Variants in IL1RAPL1 observed in about 807,000 individuals in gnomAD.
IL1RAPL1 encodes the protein interleukin-1 receptor accessory protein-like 1.
IL1RAPL1 carries 3 observed loss-of-function variants against 48.4 expected under a neutral mutation model. That is an observed-to-expected ratio of 0.06 (90% CI 0.03 to 0.16). The LOEUF is 0.16. Ranked by LOEUF, IL1RAPL1 falls within the 10% of genes least tolerant of loss-of-function variation. The pLI is 1.00. For synonymous variants in IL1RAPL1, 185 were observed against 187.7 expected, an observed-to-expected ratio of 0.99 and a Z score of 0.12; for missense variants, 349 against 530.6, an observed-to-expected ratio of 0.66 and a Z score of 3.36.
At chrX:29,423,407 C>T (rs970388998) in intron 5 of IL1RAPL1, among the ~76,000 whole-genome samples, 4 of 112,169 alleles carry the variant, frequency 3.6e-5, no homozygotes, top group Non-Finnish European at 7.5e-5. Context: ...ATGGACATGT[C>T]CTCAACCTTG....
intron 2 of IL1RAPL1, among the ~76,000 whole-genome samples, chrX:28,905,218 G>T (rs1038144737): frequency 4.5e-5 from 5 of 110,529 alleles, no homozygotes; most frequent in African/African-American, 1.6e-4. Context: ...TTATAGTATT[G>T]TATATACTTA....
chrX:29,760,020 AC>A (rs953053324), intron 6 of IL1RAPL1, among the ~76,000 whole-genome samples: 10 of 111,873 alleles, frequency 8.9e-5, no homozygotes, highest in Admixed American at 5.7e-4. Context: ...GGTTGTCTTC[AC>A]CCTTAGTACA....
intron 5 of IL1RAPL1, among the ~76,000 whole-genome samples, chrX:29,524,824 G>T (rs1219574246): frequency 1.8e-5 from 2 of 112,089 alleles, no homozygotes; most frequent in African/African-American, 6.5e-5. Context: ...TTTCAAAGTG[G>T]CCATTAAAGA....
At chrX:28,758,717 T>G (rs530314261) in intron 1 of IL1RAPL1, among the ~76,000 whole-genome samples, 1 of 111,907 alleles carries the variant, frequency 8.9e-6, no homozygotes, top group East Asian at 2.8e-4. Flanking sequence ...AAACCTATTC[T>G]TTTTTTCTGG....
intron 3 of IL1RAPL1, among the ~76,000 whole-genome samples, chrX:29,327,952 A>G (rs1366215542): frequency 8.9e-6 from 1 of 112,179 alleles, no homozygotes. Flanking sequence ...GCTGTAGGCT[A>G]GGTTTGACCT....
At chrX:29,212,213 A>T (rs1930782235) in intron 2 of IL1RAPL1, among the ~76,000 whole-genome samples, 1 of 111,378 alleles carries the variant, frequency 9.0e-6, no homozygotes. Context: ...CAGCTTTAAC[A>T]CTAAAATACA....
intron 1 of IL1RAPL1, among the ~76,000 whole-genome samples, chrX:28,656,899 G>A (rs1050175247): frequency 9.2e-6 from 1 of 108,672 alleles, no homozygotes; most frequent in Non-Finnish European, 1.9e-5. Context: ...GGTGGCGGGC[G>A]CCTGTAGTCC....
At chrX:28,864,166 A>G (rs1460228681) in intron 2 of IL1RAPL1, among the ~76,000 whole-genome samples, 1 of 112,346 alleles carries the variant, frequency 8.9e-6, no homozygotes, top group Non-Finnish European at 1.9e-5. Context: ...AGACAGAAAA[A>G]TGTGGCTTTA....
intron 1 of IL1RAPL1, among the ~76,000 whole-genome samples, chrX:28,747,830 A>G (rs1935997074): frequency 9.0e-6 from 1 of 110,692 alleles, no homozygotes; most frequent in African/African-American, 3.3e-5. Context: ...TCAAGTGAGG[A>G]CTCTTGTGTT....
intron 1 of IL1RAPL1, among the ~76,000 whole-genome samples, chrX:28,680,291 G>A (rs1331721196): frequency 1.8e-5 from 2 of 111,048 alleles, no homozygotes; most frequent in African/African-American, 6.5e-5. Flanking sequence ...AAATGACAGT[G>A]ATTTTTGTAT....
intron 6 of IL1RAPL1, among the ~76,000 whole-genome samples, chrX:29,844,112 A>G (rs755203926): frequency 8.9e-6 from 1 of 111,878 alleles, no homozygotes; most frequent in South Asian, 3.7e-4. Context: ...ATGGTATTCA[A>G]TCAGATTTTG....
intron 5 of IL1RAPL1, among the ~76,000 whole-genome samples, chrX:29,643,516 G>A (rs1925228736): frequency 8.9e-6 from 1 of 111,843 alleles, no homozygotes; most frequent in Non-Finnish European, 1.9e-5. Context: ...ACAACCTAAC[G>A]TCGATTTACA....
At chrX:28,770,801 C>T (rs1023088155) in intron 1 of IL1RAPL1, among the ~76,000 whole-genome samples, 3 of 112,091 alleles carry the variant, frequency 2.7e-5, no homozygotes, top group Non-Finnish European at 3.8e-5. Flanking sequence ...TATTTGACCT[C>T]AATTTCTCCA....
chrX:29,258,740 A>G (rs1405919964), intron 2 of IL1RAPL1, among the ~76,000 whole-genome samples: 1 of 111,257 alleles, frequency 9.0e-6, no homozygotes, highest in African/African-American at 3.3e-5. Context: ...CACACACATG[A>G]GCACAATTCC....
At chrX:28,692,090 C>T (rs1420588168) in intron 1 of IL1RAPL1, among the ~76,000 whole-genome samples, 2 of 110,374 alleles carry the variant, frequency 1.8e-5, no homozygotes, top group Non-Finnish European at 3.8e-5. Context: ...GAGCGAGGCT[C>T]TTTTTAAAAA....
intron 1 of IL1RAPL1, among the ~76,000 whole-genome samples, chrX:28,754,906 C>T (rs975079949): frequency 8.9e-6 from 1 of 112,344 alleles, no homozygotes; most frequent in East Asian, 2.8e-4. Context: ...GCCCTAATTC[C>T]TAATTTATTT....
intron 2 of IL1RAPL1, among the ~76,000 whole-genome samples, chrX:28,945,040 A>G (rs982873231): frequency 5.4e-5 from 6 of 111,133 alleles, no homozygotes; most frequent in African/African-American, 2.0e-4. Flanking sequence ...GCAAATCAAA[A>G]CCACAATGAG....
At chrX:29,363,609 T>C (rs1234104692) in intron 3 of IL1RAPL1, among the ~76,000 whole-genome samples, 1 of 111,592 alleles carries the variant, frequency 9.0e-6, no homozygotes, top group Non-Finnish European at 1.9e-5. Flanking sequence ...GGGGGTTTAA[T>C]TGGCTCACGA....
intron 2 of IL1RAPL1, among the ~76,000 whole-genome samples, chrX:29,245,546 A>G (rs1333132490): frequency 9.0e-6 from 1 of 111,465 alleles, no homozygotes; most frequent in African/African-American, 3.3e-5. Flanking sequence ...GCTTTTTTTC[A>G]TATGTTTGTT....
Sources: gnomAD v4.1 joint callset for allele counts (sites outside exome capture counted in the v4.1 genomes callset) on GRCh38, gnomAD v4.1.1 for gene constraint, MANE v1.5 for transcripts, NCBI Gene and HGNC (gene_info 2026-07-23, HGNC 2026-07-21) for gene names.